The following SKAP1 variants were observed in gnomAD, a reference collection of about 807,000 sequenced individuals.
SKAP1 encodes src kinase-associated phosphoprotein 1.
A neutral mutation model predicts 58.5 loss-of-function variants in SKAP1; 44 were observed. The ratio of observed to expected loss-of-function variants is 0.75; its 90% CI spans 0.59 to 0.97. The LOEUF is 0.97. Among genes scored for constraint, SKAP1 ranks in the 50% least tolerant of loss-of-function variants. SKAP1 has a pLI of 0.00. For missense variants in SKAP1, 390 were observed against 435.2 expected, an observed-to-expected ratio of 0.90 and a Z score of 0.92; for synonymous variants, 127 against 149.7, an observed-to-expected ratio of 0.85 and a Z score of 1.11.
At chr17:48,206,235 G>T (rs1417166143) in intron 4 of SKAP1, among the ~76,000 whole-genome samples, 1 of 152,138 alleles carries the variant, frequency 6.6e-6, no homozygotes, top group Non-Finnish European at 1.5e-5. Context: ...GGAAAAACAA[G>T]AATTTTTTTT....
intron 2 of SKAP1, among the ~76,000 whole-genome samples, chr17:48,386,242 G>C (rs2144498747): frequency 6.7e-6 from 1 of 148,374 alleles, no homozygotes; most frequent in South Asian, 2.2e-4. Context: ...ATTTATAACA[G>C]TTTTTCACCA....
At chr17:48,433,010 G>A (rs958713563), upstream of SKAP1, among the ~76,000 whole-genome samples, 23 of 152,192 alleles carry the variant, frequency 1.5e-4, no homozygotes, top group African/African-American at 4.6e-4. Context: ...TATGTAGTGA[G>A]TGACTGGCAG....
chr17:48,386,306 C>CTTTTT (rs201047932), intron 2 of SKAP1, among the ~76,000 whole-genome samples: 5 of 127,292 alleles, frequency 3.9e-5, no homozygotes, highest in Admixed American at 8.2e-5. Context: ...CATGCTAGAC[C>CTTTTT]TTTTTTTTTT....
At chr17:48,398,792 C>T (rs759029861) in intron 1 of SKAP1, among the ~76,000 whole-genome samples, 16 of 152,066 alleles carry the variant, frequency 1.1e-4, no homozygotes, top group South Asian at 2.1e-4. Context: ...GAGGCCAAGG[C>T]GGGCGGATCA....
At chr17:48,305,703 C>T (rs2066130847) in intron 4 of SKAP1, among the ~76,000 whole-genome samples, 1 of 152,078 alleles carries the variant, frequency 6.6e-6, no homozygotes. Flanking sequence ...CTAGTGCCTG[C>T]TATAAAGTAA....
intron 4 of SKAP1, among the ~76,000 whole-genome samples, chr17:48,274,723 A>G (rs543816795): frequency 1.6e-4 from 25 of 151,904 alleles, no homozygotes; most frequent in African/African-American, 5.1e-4. Flanking sequence ...TTTTTCTTTT[A>G]AAGAGACAGG....
chr17:48,270,102 A>C (rs1305254016), intron 4 of SKAP1, among the ~76,000 whole-genome samples: 6 of 152,136 alleles, frequency 3.9e-5, no homozygotes, highest in Non-Finnish European at 8.8e-5. Flanking sequence ...CAAGAGCGAA[A>C]CTCTGTCTCA....
chr17:48,249,251 C>A (rs1041278093), intron 4 of SKAP1, among the ~76,000 whole-genome samples: 2 of 152,070 alleles, frequency 1.3e-5, no homozygotes, highest in African/African-American at 4.8e-5. Flanking sequence ...GGTCAAGTTT[C>A]AAAAACCTAA....
chr17:48,388,344 G>C (rs752872471), intron 2 of SKAP1, among the ~76,000 whole-genome samples: 1 of 152,102 alleles, frequency 6.6e-6, no homozygotes, highest in African/African-American at 2.4e-5. Context: ...TGAGGCAGGA[G>C]AATCACTTGA....
At chr17:48,362,094 A>G (rs1455773594) in intron 3 of SKAP1, among the ~76,000 whole-genome samples, 1 of 152,190 alleles carries the variant, frequency 6.6e-6, no homozygotes, top group East Asian at 1.9e-4. Context: ...CATATATTTA[A>G]TCATTGTCAA....
intron 2 of SKAP1, among the ~76,000 whole-genome samples, chr17:48,370,923 A>G (rs1409267489): frequency 6.6e-6 from 1 of 152,214 alleles, no homozygotes; most frequent in Non-Finnish European, 1.5e-5. Context: ...TATGGCATAT[A>G]TACACCATGG....
Position 48,210,095 on chromosome 17 carries a change from T to A in SKAP1, c.281-20595A>T, listed in dbSNP as rs187883856. Among the ~76,000 whole-genome samples, 69 of 152,298 alleles carry A rather than the reference T, an allele frequency of 4.5e-4. 1 individual carries two copies. The highest frequency in any genetic ancestry group is 3.8e-4 in the Non-Finnish European group (26 of 68,020). ...CACAGAGCTCCAGCTCTCCTAGGGA[T>A]AAGGCACAGCTGTCTGTACCTATGC... is the stretch of plus-strand genomic sequence containing the variant. On this transcript the variant is annotated intron_variant, in intron 4 of 12. Coordinates refer to ENST00000336915, the MANE Select transcript of SKAP1 (RefSeq NM_003726.4).
intron 4 of SKAP1, among the ~76,000 whole-genome samples, chr17:48,198,585 C>T (rs1230900781): frequency 1.3e-5 from 2 of 150,678 alleles, no homozygotes; most frequent in Admixed American, 1.3e-4. Context: ...CCTATGTATG[C>T]TACAGCCTAT....
intron 8 of SKAP1, among the ~76,000 whole-genome samples, chr17:48,182,176 G>A (rs1330357645): frequency 6.6e-6 from 1 of 152,176 alleles, no homozygotes; most frequent in East Asian, 1.9e-4. Flanking sequence ...GTAGGTGGAT[G>A]AGCTATGATA....
chr17:48,348,048 A>G lies in SKAP1; in HGVS notation c.179-2042T>C, dbSNP rs2066746235. On this transcript the variant is annotated intron_variant, in intron 3 of 12. Coordinates refer to ENST00000336915, the MANE Select transcript of SKAP1 (RefSeq NM_003726.4). Reference sequence around the variant, plus strand: ...AATGTGGCAAATCCACCATTAAAGAAAAAGAACCTAGCCAGGCACAGTGGC... The same window carrying G: ...AATGTGGCAAATCCACCATTAAAGAGAAAGAACCTAGCCAGGCACAGTGGC... Among the ~76,000 whole-genome samples, 3 of 152,172 alleles carry G rather than the reference A, an allele frequency of 2.0e-5. No individual in the cohort carries two copies. The South Asian group carries it at 6.2e-4, about 32-fold the overall frequency.
chr17:48,218,876 T>A (rs906892191), intron 4 of SKAP1, among the ~76,000 whole-genome samples: 4 of 152,018 alleles, frequency 2.6e-5, no homozygotes, highest in Non-Finnish European at 5.9e-5. Flanking sequence ...TTTGGGGGTT[T>A]CAGATTGTTA....
chr17:48,185,116 A>G (rs1174872160), intron 6 of SKAP1: 1 of 354,780 alleles, frequency 2.8e-6, no homozygotes. Context: ...ATGTTAAGAG[A>G]TCTATAACAA....
intron 2 of SKAP1, among the ~76,000 whole-genome samples, chr17:48,384,368 C>A (rs981349090): frequency 5.3e-5 from 8 of 152,114 alleles, no homozygotes; most frequent in African/African-American, 1.9e-4. Context: ...TCCGGACATT[C>A]AAGCAGTTAG....
At chr17:48,261,244 G>A (rs865806797) in intron 4 of SKAP1, among the ~76,000 whole-genome samples, 5 of 152,056 alleles carry the variant, frequency 3.3e-5, no homozygotes, top group South Asian at 2.1e-4. Context: ...CTCAAAATAC[G>A]CCATGCTTTA....
Sources: allele counts gnomAD v4.1 joint callset (sites outside exome capture counted in the v4.1 genomes callset), GRCh38; gene constraint gnomAD v4.1.1; transcripts MANE v1.5; gene names NCBI Gene and HGNC (gene_info 2026-07-23, HGNC 2026-07-21).